RUNX1T1: variants seen among roughly 807,000 people sequenced by gnomAD.
The protein encoded by RUNX1T1 is protein CBFA2T1.
RUNX1T1 carries 4 observed loss-of-function variants against 62.8 expected under a neutral mutation model. The observed-to-expected ratio is 0.06, with a 90% CI of 0.03 to 0.15. The LOEUF (loss-of-function observed/expected upper bound fraction) is 0.15. Ranked by LOEUF, RUNX1T1 falls within the 10% of genes least tolerant of loss-of-function variation. The probability of loss-of-function intolerance (pLI) is 1.00; values close to 1 mark genes in which losing one functional copy is unlikely to be tolerated. For synonymous variants in RUNX1T1, 291 were observed against 286.0 expected, an observed-to-expected ratio of 1.02 and a Z score of -0.18; for missense variants, 508 against 754.3, an observed-to-expected ratio of 0.67 and a Z score of 3.82.
chr8:92,017,673 T>C (rs1823280193), intron 1 of RUNX1T1: 2 of 1,248,928 alleles, frequency 1.6e-6, no homozygotes, highest in Admixed American at 3.9e-5. Flanking sequence ...CTGAAGCCAA[T>C]GTTAGCAAGA....
intron 8 of RUNX1T1, among the ~76,000 whole-genome samples, chr8:91,983,753 A>G (rs1436563688): frequency 6.6e-6 from 1 of 152,220 alleles, no homozygotes; most frequent in Non-Finnish European, 1.5e-5. Context: ...CAAAGCCTGG[A>G]AGAGGGACTT....
intron 10 of RUNX1T1, among the ~76,000 whole-genome samples, chr8:91,965,760 T>C: frequency 6.6e-6 from 1 of 152,236 alleles, no homozygotes; most frequent in South Asian, 2.1e-4. Flanking sequence ...CACAGACTAC[T>C]TCTGTGGTCT....
chr8:92,079,864 C>T (rs1362610644), intron 1 of RUNX1T1, among the ~76,000 whole-genome samples: 4 of 152,108 alleles, frequency 2.6e-5, no homozygotes, highest in Non-Finnish European at 5.9e-5. Context: ...CTTCACGGCC[C>T]TTCCCATAGA....
chr8:92,058,949 G>A (rs1036218884), intron 1 of RUNX1T1, among the ~76,000 whole-genome samples: 2 of 152,048 alleles, frequency 1.3e-5, no homozygotes, highest in African/African-American at 4.8e-5. Flanking sequence ...ATTTTCAATA[G>A]ACCATTAACT....
chr8:91,980,012 T>A (rs1166929373), intron 8 of RUNX1T1: 3 of 293,988 alleles, frequency 1.0e-5, no homozygotes, highest in Non-Finnish European at 2.1e-5. Context: ...TTAAGTAATT[T>A]TATCTTTACA....
At chr8:92,057,165 C>T (rs951057510) in intron 1 of RUNX1T1, among the ~76,000 whole-genome samples, 2 of 152,094 alleles carry the variant, frequency 1.3e-5, no homozygotes, top group Non-Finnish European at 2.9e-5. Context: ...AAGGCTAATG[C>T]TTTTTCTGTT....
chr8:91,974,062 G>A (rs1234564633), intron 9 of RUNX1T1, among the ~76,000 whole-genome samples: 1 of 151,968 alleles, frequency 6.6e-6, no homozygotes, highest in African/African-American at 2.4e-5. Context: ...AAAACAAGTA[G>A]TGCTCTTTCT....
intron 4 of RUNX1T1, chr8:92,006,550 C>A (rs533971598): frequency 2.0e-5 from 3 of 152,082 alleles, no homozygotes; most frequent in African/African-American, 7.2e-5. Context: ...ACAGGAACTA[C>A]GGCTGGCTAC....
intron 1 of RUNX1T1, among the ~76,000 whole-genome samples, chr8:92,055,836 C>G (rs1000400074): frequency 6.6e-5 from 10 of 152,062 alleles, no homozygotes; most frequent in African/African-American, 2.2e-4. Flanking sequence ...TGTCTGTAGG[C>G]TATACAAATA....
At chr8:91,968,633 G>T (rs1297489314) in intron 10 of RUNX1T1, among the ~76,000 whole-genome samples, 1 of 152,050 alleles carries the variant, frequency 6.6e-6, no homozygotes, top group African/African-American at 2.4e-5. Context: ...GCACTTTAAA[G>T]AATAAGAAAA....
In RUNX1T1 at chr8:92,095,710, A is replaced by G. The variant is rs1586030211; in HGVS notation, c.-86+3870T>C. 7.4e-6 allele frequency: 5 copies of G among 674,356 alleles called. No individual in the cohort carries two copies. The Admixed American group carries it at 1.2e-4, about 16-fold the overall frequency. 41.8% of individuals were successfully genotyped at this position (674,356 alleles called of 1,614,324 possible). On this transcript the variant is annotated intron_variant, in intron 1 of 11. Coordinates refer to the RUNX1T1 transcript ENST00000265814. ...GATGGAGGAGGGGGCGGGGGCTCAG[A>G]CCCCAGGATGGGGCCAGAAAGTGGG...
chr8:91,959,227 G>T, exon 11 of RUNX1T1: 2 of 217,936 alleles, frequency 9.2e-6, no homozygotes, highest in Non-Finnish European at 1.9e-5. Context: ...TTGGAAAGGG[G>T]CTGGAGCTGA....
At chr8:92,037,585 G>A (rs1827660310) in intron 1 of RUNX1T1, among the ~76,000 whole-genome samples, 1 of 152,116 alleles carries the variant, frequency 6.6e-6, no homozygotes, top group South Asian at 2.1e-4. Flanking sequence ...TGGCTAATGT[G>A]GGAGGACTGC....
At chr8:91,988,440 C>G (rs1817010820) in intron 6 of RUNX1T1, among the ~76,000 whole-genome samples, 1 of 152,218 alleles carries the variant, frequency 6.6e-6, no homozygotes. Flanking sequence ...AGCTACTGCT[C>G]TGTTGTGATT....
chr8:92,029,411 G>C (rs1196110607), intron 1 of RUNX1T1, among the ~76,000 whole-genome samples: 1 of 152,088 alleles, frequency 6.6e-6, no homozygotes, highest in Non-Finnish European at 1.5e-5. Flanking sequence ...TGGAGAAAAG[G>C]GGAAAATTCA....
At chr8:91,960,977 G>T (rs1810315541) in intron 10 of RUNX1T1, among the ~76,000 whole-genome samples, 1 of 152,134 alleles carries the variant, frequency 6.6e-6, no homozygotes, top group Non-Finnish European at 1.5e-5. Flanking sequence ...TATCTATATT[G>T]GATTCAAATA....
chr8:92,008,388 T>TCACACACACA lies in RUNX1T1; in HGVS notation c.477+2604_477+2613dup, dbSNP rs566293413. 6.4e-3 allele frequency among the ~76,000 whole-genome samples: 840 copies of TCACACACACA among 131,940 alleles called. 8 individuals are homozygous for TCACACACACA. The highest frequency in any genetic ancestry group is 0.01 in the African/African-American group (350 of 34,322). 86.6% of individuals were successfully genotyped at this position (131,940 alleles called of 152,430 possible). Reference sequence around the variant, plus strand: ...ACATATCTCTCTCTCTCTCTCTCTCTCACACACACACACACACACACACAC... The same window carrying TCACACACACA: ...ACATATCTCTCTCTCTCTCTCTCTCTCACACACACACACACACACACACACACACACACAC... On this transcript the variant is annotated intron_variant, in intron 4 of 10. Coordinates refer to ENST00000396218, the Ensembl canonical transcript of RUNX1T1.
chr8:92,010,744 C>CA (rs1821762245), intron 4 of RUNX1T1: 1 of 331,454 alleles, frequency 3.0e-6, no homozygotes, highest in Admixed American at 4.7e-5. Context: ...CTCATATGAC[C>CA]AAAAAAATGA....
At chr8:92,060,553 A>ATATATATATGTGTGTGTGTGTGTGTGTG in intron 1 of RUNX1T1, among the ~76,000 whole-genome samples, 26 of 63,904 alleles carry the variant, frequency 4.1e-4, no homozygotes, top group African/African-American at 1.3e-3. Flanking sequence ...ATATATATAT[A>ATATATATATGTGTGTGTGTGTGTGTGTG]TGTGTGTGTG....
Sources: allele counts gnomAD v4.1 joint callset (sites outside exome capture counted in the v4.1 genomes callset), GRCh38; gene constraint gnomAD v4.1.1; transcripts MANE v1.5; gene names NCBI Gene and HGNC (gene_info 2026-07-23, HGNC 2026-07-21).